Variants in SRGAP3 observed in about 807,000 individuals in gnomAD.
SRGAP3 encodes the protein SLIT-ROBO Rho GTPase activating protein 3.
In SRGAP3, 39 loss-of-function variants were observed where a neutral mutation model predicts 121.1. The ratio of observed to expected loss-of-function variants is 0.32; its 90% CI spans 0.25 to 0.42. SRGAP3 has a LOEUF of 0.42. SRGAP3 is among the 10% of genes least tolerant of loss of function. SRGAP3 has a pLI of 1.00. For synonymous variants in SRGAP3, 601 were observed against 570.0 expected, an observed-to-expected ratio of 1.05 and a Z score of -0.77; for missense variants, 1,213 against 1,470.6, an observed-to-expected ratio of 0.82 and a Z score of 2.86.
At chr3:9,110,101 C>T (rs1948561735) in intron 2 of SRGAP3, among the ~76,000 whole-genome samples, 1 of 152,052 alleles carries the variant, frequency 6.6e-6, no homozygotes, top group African/African-American at 2.4e-5. Context: ...GAGCCAGGGG[C>T]CGGGAGAGAA....
chr3:9,006,038 G>A (rs1943051312), intron 18 of SRGAP3, among the ~76,000 whole-genome samples: 1 of 152,168 alleles, frequency 6.6e-6, no homozygotes, highest in East Asian at 1.9e-4. Context: ...TATTACTAGG[G>A]ATTAGGAGCA....
At chr3:9,251,751 G>A (rs1574942769), upstream of SRGAP3, among the ~76,000 whole-genome samples, 1 of 152,286 alleles carries the variant, frequency 6.6e-6, no homozygotes, top group South Asian at 2.1e-4. Flanking sequence ...CAAAACCAAG[G>A]CCAAAGATGG....
intron 1 of SRGAP3, among the ~76,000 whole-genome samples, chr3:9,215,629 C>T (rs1162435): frequency 3.3e-5 from 5 of 152,034 alleles, no homozygotes; most frequent in Non-Finnish European, 5.9e-5. Flanking sequence ...GAAGATCACT[C>T]ATGTGGGTTG....
At chr3:9,084,825 C>T (rs1451544380) in intron 3 of SRGAP3, among the ~76,000 whole-genome samples, 1 of 152,134 alleles carries the variant, frequency 6.6e-6, no homozygotes, top group African/African-American at 2.4e-5. Flanking sequence ...TCCTATTCCT[C>T]CAAAGCCTCC....
rs373874266 is a variant in SRGAP3, at chr3:9,051,645, G to C, written c.1323+1382C>G. On this transcript the variant is annotated intron_variant, in intron 9 of 21. Coordinates refer to ENST00000383836, the MANE Select transcript of SRGAP3 (RefSeq NM_014850.4). Reference sequence around the variant, plus strand: ...CCTTAAAATAATAATAAAAGAATATGATCTTAGAACATATGAATAGGAGCA... The same window carrying C: ...CCTTAAAATAATAATAAAAGAATATCATCTTAGAACATATGAATAGGAGCA... 7.3e-5 allele frequency among the ~76,000 whole-genome samples: 11 copies of C among 150,584 alleles called. No individual in the cohort carries two copies. In the South Asian group the frequency reaches 2.3e-3, roughly 32 times the overall value.
At chr3:9,346,210 A>AC (rs1260365108) in intron 1 of SRGAP3, among the ~76,000 whole-genome samples, 4 of 151,874 alleles carry the variant, frequency 2.6e-5, no homozygotes, top group African/African-American at 9.6e-5. Context: ...TAGTATGTTA[A>AC]AGTGTAATGT....
chr3:9,353,881 A>T (rs151248331), intron 1 of SRGAP3, among the ~76,000 whole-genome samples: 14 of 152,292 alleles, frequency 9.2e-5, no homozygotes, highest in Non-Finnish European at 1.8e-4. Flanking sequence ...TCCCCACAGG[A>T]ATCCAACTGG....
chr3:9,345,001 C>T (rs2648548), intron 1 of SRGAP3, among the ~76,000 whole-genome samples: 73,207 of 151,842 alleles, frequency 0.48, 19,107 homozygotes, highest in South Asian at 0.71. Flanking sequence ...TGCACCACTG[C>T]ACTCCAGCCT....
rs750792802 is a variant in SRGAP3, at chr3:9,142,829, C to CG, written c.68-17913_68-17912insC. On this transcript the variant is annotated intron_variant, in intron 1 of 21. Transcript: ENST00000383836. ...GTCAACCAAGTTGGTGGGCAATTTC[C>CG]TTTTTTTTTTTTTTTTTTTTTTTGA... Among the ~76,000 whole-genome samples the CG allele has an allele frequency of 1.9e-4, 17 of 90,862 alleles. No homozygotes were observed. The Admixed American group carries it at 2.3e-3, about 13-fold the overall frequency. The allele number at this position is 90,862 out of a possible 152,430, so 59.6% of individuals were successfully genotyped here. A position where few individuals can be genotyped will look rare whatever the true frequency, so the allele number is the denominator to read the frequency against.
At chr3:9,227,718 T>C (rs979217862) in intron 1 of SRGAP3, among the ~76,000 whole-genome samples, 4 of 152,248 alleles carry the variant, frequency 2.6e-5, no homozygotes, top group African/African-American at 9.6e-5. Flanking sequence ...ACGATAGGAA[T>C]GACTAAGGAC....
rs189762505 is a variant in SRGAP3 at position 9,278,135 on chromosome 3, T to G, written n.442+47875A>C. Among the ~76,000 whole-genome samples, 3 of 152,222 alleles carry G rather than the reference T, an allele frequency of 2.0e-5. No individual in the cohort carries two copies. In the South Asian group the frequency reaches 6.2e-4, roughly 31 times the overall value. On this transcript the variant is annotated intron_variant and non_coding_transcript_variant, in intron 3 of 3. Coordinates refer to the SRGAP3 transcript ENST00000490889. ...AGCCACCCAGTTTATGGTATTTTCT[T>G]ATAGCAGTCTGAGTGGACTAAGTCA...
chr3:9,091,676 G>A (rs73015479), intron 3 of SRGAP3, among the ~76,000 whole-genome samples: 7,620 of 152,240 alleles, frequency 0.05, 291 homozygotes, highest in Non-Finnish European at 0.079. Context: ...ACAGTTAACG[G>A]CTCACTCCCA....
intron 1 of SRGAP3, among the ~76,000 whole-genome samples, chr3:9,183,039 T>C (rs1483694945): frequency 6.6e-6 from 1 of 151,898 alleles, no homozygotes; most frequent in Non-Finnish European, 1.5e-5. Context: ...TGGGGAAACA[T>C]TCTTCTGTCA....
At chr3:9,174,874 G>T (rs1056156300) in intron 1 of SRGAP3, among the ~76,000 whole-genome samples, 7 of 152,196 alleles carry the variant, frequency 4.6e-5, no homozygotes, top group African/African-American at 1.7e-4. Context: ...GTGTAGGCTT[G>T]TTCCTGAGGC....
upstream of SRGAP3, among the ~76,000 whole-genome samples, chr3:9,254,240 C>T (rs1228813569): frequency 6.6e-6 from 1 of 152,116 alleles, no homozygotes; most frequent in Non-Finnish European, 1.5e-5. Context: ...ATGGCATATC[C>T]ATATGATGGA....
rs1259025767 is a variant in SRGAP3, at chr3:9,124,813, C to G, written c.172G>C (p.Glu58Gln). ...CTGCGGGAGTACTCGAGCTCAATCT[C>G]AGCTTTCCGGCGGAAAAACTCCTGG... ...DLQEFFRRKA[E>Q]IELEYSRSLE... is the part of the protein sequence containing the mutation. Residue 58 changes from glutamate to glutamine, a missense_variant, in exon 2 of 22, where the codon GAG (glutamate) becomes CAG (glutamine). Physicochemically the swap from Glu to Gln is conservative, Grantham distance 29 (BLOSUM62 2). Transcript: ENST00000383836. 1 of 1,614,242 alleles carries G rather than the reference C, an allele frequency of 6.2e-7. No homozygotes were observed. The highest frequency in any genetic ancestry group is 1.1e-5 in the South Asian group (1 of 91,090).
rs17050174 is a variant in SRGAP3 at position 9,218,400 on chromosome 3, G to C, written c.67+30485C>G. 9,558 of 152,212 alleles carry C rather than the reference G, an allele frequency of 0.063. 801 individuals are homozygous for C. The highest frequency in any genetic ancestry group is 0.46 in the East Asian group (2,373 of 5,146). 9.4% of individuals were successfully genotyped at this position (152,212 alleles called of 1,614,324 possible). A position where few individuals can be genotyped will look rare whatever the true frequency, so the allele number is the denominator to read the frequency against. ...GGCAGAATCTAAGCATAAACGCTTA[G>C]CAGAGAAAATAAACACACCGTCCAT... On this transcript the variant is annotated intron_variant, in intron 1 of 21. Coordinates refer to ENST00000383836, the MANE Select transcript of SRGAP3 (RefSeq NM_014850.4). The surrounding 1 kb of genome is among the most constrained non-coding windows in gnomAD (Gnocchi z 5.3).
chr3:9,016,877 C>T (rs112257710), intron 14 of SRGAP3, among the ~76,000 whole-genome samples: 4 of 152,212 alleles, frequency 2.6e-5, no homozygotes, highest in South Asian at 2.1e-4. Flanking sequence ...AACATTTATA[C>T]GAACTTGTTT....
chr3:9,023,164 C>T lies in SRGAP3; in HGVS notation c.1678+2097G>A, dbSNP rs370600761. On this transcript the variant is annotated intron_variant, in intron 14 of 21. Transcript: ENST00000383836. ...AGGCACCATGCAGTGAGTTTGCCCA[C>T]GAGATTCAAGGCAGGGTGACAAGGC... Among the ~76,000 whole-genome samples the T allele has an allele frequency of 2.0e-4, 31 of 152,208 alleles. No homozygotes were observed. In the East Asian group the frequency reaches 2.3e-3, roughly 11 times the overall value.
Sources: gnomAD v4.1 joint callset for allele counts (sites outside exome capture counted in the v4.1 genomes callset) on GRCh38, gnomAD v4.1.1 for gene constraint, Gnocchi (gnomAD v3.1) non-coding constraint, MANE v1.5 for transcripts, NCBI Gene and HGNC (gene_info 2026-07-23, HGNC 2026-07-21) for gene names.